CECR2: variants seen among roughly 807,000 people sequenced by gnomAD.
CECR2 encodes the protein chromatin remodeling regulator CECR2.
CECR2 carries 30 observed loss-of-function variants against 154.5 expected under a neutral mutation model. The observed-to-expected ratio is 0.19, with a 90% confidence interval of 0.15 to 0.26. The LOEUF is 0.26. Among genes scored for constraint, CECR2 ranks in the 10% least tolerant of loss-of-function variants. The pLI is 1.00. For missense variants in CECR2, 1,743 were observed against 1,829.3 expected (o/e 0.95, Z 0.86); for synonymous variants, 725 against 683.7 (o/e 1.06, Z -0.94).
At chr22:17,389,722 G>A (rs2146500310) in intron 1 of CECR2, among the ~76,000 whole-genome samples, 1 of 152,264 alleles carries the variant, frequency 6.6e-6, no homozygotes, top group Non-Finnish European at 1.5e-5. Context: ...CCGCCTCCTG[G>A]GTTAGAGCAG....
chr22:17,374,847 A>G (rs576229001), intron 1 of CECR2, among the ~76,000 whole-genome samples: 2 of 152,278 alleles, frequency 1.3e-5, no homozygotes, highest in African/African-American at 2.4e-5. Context: ...TTGAAAGTCT[A>G]CAGAGGCTAA....
chr22:17,392,459 GC>G (rs1299273225), intron 1 of CECR2, among the ~76,000 whole-genome samples: 1 of 152,128 alleles, frequency 6.6e-6, no homozygotes. Flanking sequence ...TTGCACTCCA[GC>G]CTGGGCGACA....
intron 2 of CECR2, 51 bp downstream of exon 2, chr22:17,477,733 C>A: frequency 7.8e-7 from 1 of 1,281,148 alleles, no homozygotes; most frequent in Non-Finnish European, 1.1e-6. Context: ...AACTAATTAA[C>A]CAACCATAGT....
intron 5 of CECR2, among the ~76,000 whole-genome samples, chr22:17,502,482 G>A (rs969069655): frequency 2.4e-4 from 37 of 152,292 alleles, no homozygotes; most frequent in African/African-American, 8.4e-4. Flanking sequence ...CAGTGCATCT[G>A]TTTGATTTCC....
At chr22:17,515,329 G>A (rs1429135544) in intron 8 of CECR2, among the ~76,000 whole-genome samples, 4 of 152,066 alleles carry the variant, frequency 2.6e-5, no homozygotes, top group East Asian at 1.9e-4. Context: ...GATGGCATCC[G>A]CAAGGGCAGG....
At chr22:17,487,772 C>T (rs1404029318) in intron 2 of CECR2, among the ~76,000 whole-genome samples, 2 of 152,116 alleles carry the variant, frequency 1.3e-5, no homozygotes, top group African/African-American at 2.4e-5. Context: ...CTTTATAGAA[C>T]GCAGACTGAT....
intron 1 of CECR2, among the ~76,000 whole-genome samples, chr22:17,389,671 A>T (rs1313517741): frequency 6.6e-6 from 1 of 151,996 alleles, no homozygotes; most frequent in East Asian, 1.9e-4. Flanking sequence ...TCTGTTGCCC[A>T]GGCTGGAGTT....
At chr22:17,395,714 T>G (rs1383745987) in intron 1 of CECR2, among the ~76,000 whole-genome samples, 2 of 152,192 alleles carry the variant, frequency 1.3e-5, no homozygotes, top group African/African-American at 4.8e-5. Context: ...CACTTAACAT[T>G]CATATTTCTA....
At chr22:17,466,062 C>T (rs566381872) in intron 1 of CECR2, among the ~76,000 whole-genome samples, 5 of 152,232 alleles carry the variant, frequency 3.3e-5, no homozygotes, top group African/African-American at 7.2e-5. Context: ...TGCGCCATCA[C>T]GCAGGCTGGA....
At chr22:17,465,261 G>T (rs938197550) in intron 1 of CECR2, among the ~76,000 whole-genome samples, 3 of 152,044 alleles carry the variant, frequency 2.0e-5, no homozygotes, top group Non-Finnish European at 4.4e-5. Context: ...CTCCCAAAGT[G>T]CCGGGATTAC....
intron 9 of CECR2, among the ~76,000 whole-genome samples, chr22:17,529,829 G>A (rs567287359): frequency 6.6e-6 from 1 of 151,584 alleles, no homozygotes; most frequent in South Asian, 2.1e-4. Flanking sequence ...TCTTATGGAA[G>A]GAATTTTTGT....
chr22:17,371,903 G>C (rs933399398), intron 1 of CECR2, among the ~76,000 whole-genome samples: 3 of 152,168 alleles, frequency 2.0e-5, no homozygotes, highest in African/African-American at 7.2e-5. Flanking sequence ...CTTGTCTTCT[G>C]TTATAAGCAA....
At position 17,542,374 on chromosome 22, in the gene CECR2, G is replaced by A. The variant is rs144189023; in HGVS notation, c.2231G>A (p.Arg744Gln). Residue 744 changes from arginine (R) to glutamine (Q), a missense_variant, in exon 16 of 19, where the codon CGG (arginine) becomes CAG (glutamine). Physicochemically the swap from Arg to Gln is conservative, Grantham distance 43. Coordinates refer to ENST00000262608, the MANE Select transcript of CECR2 (RefSeq NM_001290047.2). Reference protein sequence around the residue: ...IPPRHGGAPARPPDFPESSEI... With the variant: ...IPPRHGGAPAQPPDFPESSEI... ...CCCCGGCATGGGGGGGCTCCAGCCCGGCCACCAGACTTTCCTGAAAGCTCA... is the reference window on the plus strand; with the variant it reads ...CCCCGGCATGGGGGGGCTCCAGCCCAGCCACCAGACTTTCCTGAAAGCTCA... 3.4e-5 allele frequency: 55 copies of A among 1,613,756 alleles called. No homozygotes were observed. The highest frequency in any genetic ancestry group is 8.9e-5 in the East Asian group (4 of 44,882).
At chr22:17,469,002 C>G (rs2055077496) in intron 1 of CECR2, among the ~76,000 whole-genome samples, 1 of 152,068 alleles carries the variant, frequency 6.6e-6, no homozygotes, top group Non-Finnish European at 1.5e-5. Flanking sequence ...TTCTTGATAA[C>G]TACCCCACTC....
At position 17,447,033 on chromosome 22, in the gene CECR2, C is replaced by CTGTTTTTTTTTTTTTTTTTTTTTTTTT. The variant is rs1339121774; in HGVS notation, c.127-30554_127-30553insGTTTTTTTTTTTTTTTTTTTTTTTTTT. On this transcript the variant is annotated intron_variant, in intron 1 of 18. Transcript: ENST00000262608. ...GAGTGCTGAGTGGTGCGTTTACAAT[C>CTGTTTTTTTTTTTTTTTTTTTTTTTTT]TTTTTTTTTTTTTTTTTTTGAGACA... Among the ~76,000 whole-genome samples the CTGTTTTTTTTTTTTTTTTTTTTTTTTT allele has an allele frequency of 9.6e-5, 11 of 114,104 alleles. 3 individuals carry two copies. The highest frequency in any genetic ancestry group is 4.1e-4 in the African/African-American group (11 of 26,696). The allele number at this position is 114,104 out of a possible 152,430, so 74.9% of individuals were successfully genotyped here.
chr22:17,481,154 T>C (rs1169948239), intron 2 of CECR2, among the ~76,000 whole-genome samples: 1 of 146,050 alleles, frequency 6.8e-6, no homozygotes, highest in African/African-American at 2.5e-5. Context: ...CCATCCTGGC[T>C]AACACGGTGA....
At chr22:17,547,521 T>C (rs1569157564) in intron 16 of CECR2, among the ~76,000 whole-genome samples, 1 of 152,164 alleles carries the variant, frequency 6.6e-6, no homozygotes, top group Non-Finnish European at 1.5e-5. Context: ...TGAGCCACCG[T>C]GCCCGGCCCC....
intron 5 of CECR2, 68 bp from the exon 6 acceptor site, chr22:17,503,014 T>G: frequency 7.1e-7 from 1 of 1,400,186 alleles, no homozygotes; most frequent in Non-Finnish European, 1.0e-6. Context: ...TCTACCATCC[T>G]GGGGTGGCAC....
chr22:17,510,346 C>T (rs1296757), intron 7 of CECR2, among the ~76,000 whole-genome samples: 130,119 of 152,168 alleles, frequency 0.86, 55,756 homozygotes, highest in East Asian at 1. Flanking sequence ...ATAAAATAAT[C>T]GCTATCTCAG....
Sources: gnomAD v4.1 joint callset for allele counts (sites outside exome capture counted in the v4.1 genomes callset) on GRCh38, gnomAD v4.1.1 for gene constraint, MANE v1.5 for transcripts, NCBI Gene and HGNC (gene_info 2026-07-23, HGNC 2026-07-21) for gene names.